Variants in GPM6A observed in about 807,000 individuals in gnomAD.
GPM6A encodes neuronal membrane glycoprotein M6-a.
GPM6A carries 7 observed loss-of-function variants against 32.1 expected under a neutral mutation model. The ratio of observed to expected loss-of-function variants is 0.22; its 90% CI spans 0.12 to 0.41. GPM6A has a LOEUF of 0.41. Ranked by LOEUF, GPM6A falls within the 10% of genes least tolerant of loss-of-function variation. GPM6A has a pLI of 1.00. For missense variants in GPM6A, 235 were observed against 347.2 expected (o/e 0.68, Z 2.57); for synonymous variants, 130 against 123.4 (o/e 1.05, Z -0.35).
chr4:175,946,757 TG>T (rs5864353), intron 1 of GPM6A, among the ~76,000 whole-genome samples: 3 of 152,132 alleles, frequency 2.0e-5, no homozygotes, highest in African/African-American at 7.2e-5. Flanking sequence ...GACAGACAAT[TG>T]GGGCCTGGTA....
chr4:175,942,402 T>C (rs898995488), intron 1 of GPM6A, among the ~76,000 whole-genome samples: 3 of 152,246 alleles, frequency 2.0e-5, no homozygotes, highest in Non-Finnish European at 2.9e-5. Context: ...TTGCCAGTTT[T>C]GGCTTTTGTT....
chr4:175,872,471 AT>A (rs1736942455), intron 1 of GPM6A, among the ~76,000 whole-genome samples: 1 of 152,254 alleles, frequency 6.6e-6, no homozygotes, highest in African/African-American at 2.4e-5. Context: ...ATGAGTTGCC[AT>A]GCAAATTGAA....
At chr4:175,782,824 C>A (rs374954505) in intron 1 of GPM6A, among the ~76,000 whole-genome samples, 2 of 151,876 alleles carry the variant, frequency 1.3e-5, no homozygotes, top group African/African-American at 2.4e-5. Flanking sequence ...CTTTAATACA[C>A]GATGTTACCG....
chr4:175,972,186 G>C (rs1740524411), intron 1 of GPM6A, among the ~76,000 whole-genome samples: 1 of 152,058 alleles, frequency 6.6e-6, no homozygotes, highest in African/African-American at 2.4e-5. Flanking sequence ...AAGAAAATTT[G>C]TGTCAAAGTC....
chr4:175,865,443 GAGTT>G (rs1176134159), intron 1 of GPM6A, among the ~76,000 whole-genome samples: 4 of 152,148 alleles, frequency 2.6e-5, no homozygotes, highest in South Asian at 2.1e-4. Context: ...ATTTAAGAAT[GAGTT>G]AGAATATTTC....
At chr4:175,901,522 G>C (rs1039662544) in intron 1 of GPM6A, among the ~76,000 whole-genome samples, 1 of 151,058 alleles carries the variant, frequency 6.6e-6, no homozygotes, top group Admixed American at 6.6e-5. Context: ...AAACACCAAA[G>C]GTTAGCTAGG....
chr4:175,798,919 T>G (rs1309217048), intron 1 of GPM6A, among the ~76,000 whole-genome samples: 1 of 152,228 alleles, frequency 6.6e-6, no homozygotes, highest in East Asian at 1.9e-4. Context: ...TCAGTTTTTG[T>G]CTGCCATGTC....
intron 3 of GPM6A, among the ~76,000 whole-genome samples, chr4:175,652,784 T>A (rs7671832): frequency 0.12 from 17,634 of 152,084 alleles, 1,178 homozygotes; most frequent in East Asian, 0.28. Context: ...TGTAGATGTA[T>A]GAATTAGTGG....
intron 1 of GPM6A, among the ~76,000 whole-genome samples, chr4:175,909,873 A>C: frequency 6.6e-6 from 1 of 152,166 alleles, no homozygotes; most frequent in East Asian, 1.9e-4. Flanking sequence ...TGACATCAAA[A>C]TATAAATTAA....
At chr4:175,885,620 C>A (rs546679630) in intron 1 of GPM6A, among the ~76,000 whole-genome samples, 46 of 151,968 alleles carry the variant, frequency 3.0e-4, no homozygotes, top group Non-Finnish European at 6.5e-4. Context: ...GACAGAGGAA[C>A]ACTCTGTCTC....
intron 1 of GPM6A, among the ~76,000 whole-genome samples, chr4:175,725,873 C>T (rs1397576149): frequency 2.6e-5 from 4 of 151,768 alleles, no homozygotes. Flanking sequence ...AACCATAAAT[C>T]ATAATTCAAT....
chr4:175,826,708 C>G (rs991118827), intron 1 of GPM6A, among the ~76,000 whole-genome samples: 1 of 152,006 alleles, frequency 6.6e-6, no homozygotes, highest in African/African-American at 2.4e-5. Context: ...TTTCTCATGG[C>G]TCAGAAAAGA....
At chr4:175,923,407 T>C (rs1298798321) in intron 1 of GPM6A, among the ~76,000 whole-genome samples, 2 of 149,510 alleles carry the variant, frequency 1.3e-5, no homozygotes, top group Admixed American at 6.7e-5. Context: ...ACACATTGAA[T>C]AGTGAGAGGC....
intron 1 of GPM6A, among the ~76,000 whole-genome samples, chr4:175,899,378 G>A (rs529026867): frequency 6.6e-6 from 1 of 152,204 alleles, no homozygotes; most frequent in East Asian, 1.9e-4. Flanking sequence ...ATAAATACAT[G>A]ATAAATGCTA....
intron 1 of GPM6A, among the ~76,000 whole-genome samples, chr4:175,856,924 G>C (rs1341389220): frequency 6.6e-6 from 1 of 152,104 alleles, no homozygotes; most frequent in East Asian, 1.9e-4. Flanking sequence ...TTTGTAAAAG[G>C]TAGCATTCGG....
At chr4:175,688,557 T>C (rs1744122520) in intron 2 of GPM6A, among the ~76,000 whole-genome samples, 1 of 152,230 alleles carries the variant, frequency 6.6e-6, no homozygotes, top group African/African-American at 2.4e-5. Context: ...TGTGTCTGTC[T>C]TTATGTCAAT....
Position 175,951,501 on chromosome 4 carries a change from G to A in GPM6A, c.-23+50808C>T, listed in dbSNP as rs143412265. 4.5e-3 allele frequency among the ~76,000 whole-genome samples: 683 copies of A among 152,252 alleles called. 8 individuals carry two copies. The highest frequency in any genetic ancestry group is 0.016 in the African/African-American group (651 of 41,530). ...TTCCATCCTCATTACCTCTGACGGC[G>A]AAATAATCTCTTGAGGCTTCAGTGT... On this transcript the variant is annotated intron_variant, in intron 1 of 7. Coordinates refer to the GPM6A transcript ENST00000280187.
At chr4:175,987,590 C>T (rs1211990579) in intron 1 of GPM6A, among the ~76,000 whole-genome samples, 1 of 151,064 alleles carries the variant, frequency 6.6e-6, no homozygotes, top group African/African-American at 2.4e-5. Flanking sequence ...CTCCTGGTGA[C>T]TTTGTTAAGC....
intron 3 of GPM6A, among the ~76,000 whole-genome samples, chr4:175,662,267 A>AT (rs1742467852): frequency 6.6e-6 from 1 of 151,992 alleles, no homozygotes; most frequent in Non-Finnish European, 1.5e-5. Context: ...CCTCGCACAC[A>AT]CTTTCAACTA....
Sources: allele counts gnomAD v4.1 joint callset (sites outside exome capture counted in the v4.1 genomes callset), GRCh38; gene constraint gnomAD v4.1.1; transcripts MANE v1.5; gene names NCBI Gene and HGNC (gene_info 2026-07-23, HGNC 2026-07-21).